Variants in ERC2 observed in about 807,000 individuals in gnomAD.
The protein encoded by ERC2 is ERC protein 2.
A neutral mutation model predicts 114.8 loss-of-function variants in ERC2; 42 were observed. That is an observed-to-expected ratio of 0.37 (90% CI 0.29 to 0.47). The LOEUF is 0.47. ERC2 is among the 20% of genes least tolerant of loss of function. The pLI, the probability that ERC2 is intolerant of heterozygous loss-of-function variation, is 0.99. For missense variants in ERC2, 939 were observed against 1,150.7 expected (o/e 0.82, Z 2.66); for synonymous variants, 454 against 425.5 (o/e 1.07, Z -0.82).
chr3:56,089,465 A>G (rs934802220), intron 6 of ERC2, among the ~76,000 whole-genome samples: 1 of 152,190 alleles, frequency 6.6e-6, no homozygotes, highest in Non-Finnish European at 1.5e-5. Context: ...AAAAAGAAAC[A>G]TTGAAATTAA....
intron 3 of ERC2, among the ~76,000 whole-genome samples, chr3:56,285,927 T>C (rs2054668086): frequency 6.6e-6 from 1 of 152,198 alleles, no homozygotes; most frequent in Admixed American, 6.5e-5. Flanking sequence ...CCTAATTCTT[T>C]TGGAGTTTGA....
At chr3:55,657,561 T>C (rs1374560364) in intron 17 of ERC2, 1 of 152,232 alleles carries the variant, frequency 6.6e-6, no homozygotes, top group Non-Finnish European at 1.5e-5. Flanking sequence ...GCTCAGGTAA[T>C]TCTCCCACCT....
intron 15 of ERC2, among the ~76,000 whole-genome samples, chr3:55,728,414 C>T (rs1229299606): frequency 6.6e-6 from 1 of 152,158 alleles, no homozygotes; most frequent in Admixed American, 6.5e-5. Context: ...GAAGGCTTCC[C>T]TGGAGAAGTG....
chr3:56,244,432 G>C (rs2051536533), intron 3 of ERC2, among the ~76,000 whole-genome samples: 1 of 152,032 alleles, frequency 6.6e-6, no homozygotes, highest in Non-Finnish European at 1.5e-5. Context: ...GCCTCAGGCA[G>C]GTCCCTCAGG....
At chr3:56,361,145 G>A (rs145635575) in intron 2 of ERC2, among the ~76,000 whole-genome samples, 1 of 152,108 alleles carries the variant, frequency 6.6e-6, no homozygotes, top group African/African-American at 2.4e-5. Flanking sequence ...GCTATGGAGA[G>A]TGGGGAAGCT....
chr3:55,835,769 A>C (rs1161272216), intron 14 of ERC2, among the ~76,000 whole-genome samples: 1 of 152,136 alleles, frequency 6.6e-6, no homozygotes, highest in Non-Finnish European at 1.5e-5. Context: ...TAGGCAGGAG[A>C]AGGAAATAAA....
chr3:55,513,687 G>C (rs1225955882), intron 17 of ERC2, among the ~76,000 whole-genome samples: 8 of 152,064 alleles, frequency 5.3e-5, no homozygotes, highest in Admixed American at 5.2e-4. Context: ...AGGCTGGAGT[G>C]CAGTGGTGTG....
chr3:55,577,289 T>C (rs1253927086), intron 17 of ERC2, among the ~76,000 whole-genome samples: 1 of 150,954 alleles, frequency 6.6e-6, no homozygotes, highest in Non-Finnish European at 1.5e-5. Flanking sequence ...AAAAAAAAAA[T>C]CCAAGCTGAG....
At chr3:56,067,484 T>C (rs2076535488) in intron 7 of ERC2, among the ~76,000 whole-genome samples, 2 of 152,192 alleles carry the variant, frequency 1.3e-5, no homozygotes, top group South Asian at 4.1e-4. Flanking sequence ...TAGGATCATG[T>C]CATCTGCAAA....
chr3:55,912,860 C>T lies in ERC2; in HGVS notation c.2404-24311G>A, dbSNP rs549120949. Among the ~76,000 whole-genome samples the T allele has an allele frequency of 5.9e-5, 9 of 152,282 alleles. 1 individual carries two copies. In the South Asian group the frequency reaches 1.9e-3, roughly 32 times the overall value. ...AAGAAAAGCAAAACAAAATCACAAG[C>T]ACAAACCCAGGACCCAGAGGAACAC... On this transcript the variant is annotated intron_variant, in intron 13 of 17. Coordinates refer to ENST00000288221, the MANE Select transcript of ERC2 (RefSeq NM_015576.3).
chr3:55,692,954 A>T (rs2062738403), intron 16 of ERC2, among the ~76,000 whole-genome samples: 1 of 152,212 alleles, frequency 6.6e-6, no homozygotes, highest in South Asian at 2.1e-4. Flanking sequence ...GCTTATGGCA[A>T]AACAACATGT....
At chr3:55,854,507 G>A (rs1485111326) in intron 14 of ERC2, among the ~76,000 whole-genome samples, 1 of 152,082 alleles carries the variant, frequency 6.6e-6, no homozygotes, top group Non-Finnish European at 1.5e-5. Flanking sequence ...AGACAACCGC[G>A]GCTCTGGGGC....
At chr3:56,369,825 C>T (rs570495684) in intron 2 of ERC2, among the ~76,000 whole-genome samples, 12 of 152,192 alleles carry the variant, frequency 7.9e-5, no homozygotes, top group Admixed American at 2.0e-4. Context: ...TACAGGTGCA[C>T]GCCATCACGC....
intron 14 of ERC2, among the ~76,000 whole-genome samples, chr3:55,736,646 T>C (rs1179331797): frequency 2.0e-5 from 3 of 152,134 alleles, no homozygotes; most frequent in East Asian, 1.9e-4. Flanking sequence ...ACATAGCGAG[T>C]GCTCAAAAAT....
intron 7 of ERC2, among the ~76,000 whole-genome samples, chr3:56,075,784 T>C (rs1321329902): frequency 6.6e-6 from 1 of 152,158 alleles, no homozygotes; most frequent in Non-Finnish European, 1.5e-5. Flanking sequence ...TTGCCAATAA[T>C]AAGTATAAAA....
chr3:55,954,953 T>C (rs1259024309), intron 12 of ERC2, among the ~76,000 whole-genome samples: 2 of 152,046 alleles, frequency 1.3e-5, no homozygotes, highest in Non-Finnish European at 2.9e-5. Context: ...AAATTAAGTA[T>C]ATTCATAATA....
intron 13 of ERC2, among the ~76,000 whole-genome samples, chr3:55,892,245 C>T (rs1312656722): frequency 6.6e-6 from 1 of 152,172 alleles, no homozygotes; most frequent in Non-Finnish European, 1.5e-5. Context: ...TGGCTCACAC[C>T]TATAATCCCA....
chr3:55,843,863 T>A (rs764506910), intron 14 of ERC2, among the ~76,000 whole-genome samples: 3 of 152,226 alleles, frequency 2.0e-5, no homozygotes, highest in Admixed American at 6.5e-5. Flanking sequence ...TGGAGCCTCA[T>A]CACAATGAAT....
intron 3 of ERC2, among the ~76,000 whole-genome samples, chr3:56,213,767 G>T (rs142242261): frequency 6.6e-6 from 1 of 152,174 alleles, no homozygotes; most frequent in Non-Finnish European, 1.5e-5. Context: ...GCACCCCCCA[G>T]TAGGGGCAGA....
Sources: gnomAD v4.1 joint callset for allele counts (sites outside exome capture counted in the v4.1 genomes callset) on GRCh38, gnomAD v4.1.1 for gene constraint, MANE v1.5 for transcripts, NCBI Gene and HGNC (gene_info 2026-07-23, HGNC 2026-07-21) for gene names.